Variants in MEF2A observed in about 807,000 individuals in gnomAD.
The protein encoded by MEF2A is myocyte-specific enhancer factor 2A.
A neutral mutation model predicts 55.8 loss-of-function variants in MEF2A; 28 were observed. The observed-to-expected ratio is 0.50, with a 90% CI of 0.37 to 0.69. MEF2A has a LOEUF of 0.69. Among genes scored for constraint, MEF2A ranks in the 30% least tolerant of loss-of-function variants. The probability of loss-of-function intolerance (pLI) is 0.00; values close to 1 mark genes in which losing one functional copy is unlikely to be tolerated. For missense variants in MEF2A, 528 were observed against 626.2 expected (o/e 0.84, Z 1.67); for synonymous variants, 239 against 227.1 (o/e 1.05, Z -0.47).
chr15:99,686,920 A>ATT (rs61006528), intron 7 of MEF2A, among the ~76,000 whole-genome samples: 56 of 148,072 alleles, frequency 3.8e-4, no homozygotes, highest in East Asian at 1.8e-3. Flanking sequence ...TTGTTTTTTG[A>ATT]TTTTTTTTTT....
chr15:99,647,345 CCTCAA>C (rs2153489563), intron 4 of MEF2A, among the ~76,000 whole-genome samples: 1 of 150,290 alleles, frequency 6.7e-6, no homozygotes, highest in African/African-American at 2.4e-5. Flanking sequence ...AGTTACACTG[CCTCAA>C]CTCAAACCAA....
At chr15:99,618,154 A>G (rs1195376587) in intron 2 of MEF2A, among the ~76,000 whole-genome samples, 1 of 152,180 alleles carries the variant, frequency 6.6e-6, no homozygotes, top group Admixed American at 6.5e-5. Flanking sequence ...AATATTACAT[A>G]TTACATTTTT....
intron 1 of MEF2A, among the ~76,000 whole-genome samples, chr15:99,591,692 T>C (rs1969343824): frequency 6.7e-6 from 1 of 149,316 alleles, no homozygotes; most frequent in African/African-American, 2.6e-5. Flanking sequence ...CATAATCTGT[T>C]TTTGTTTTGT....
At chr15:99,580,900 G>C (rs566883040) in intron 1 of MEF2A, among the ~76,000 whole-genome samples, 5 of 152,146 alleles carry the variant, frequency 3.3e-5, no homozygotes, top group African/African-American at 1.2e-4. Context: ...TTTGACAGTT[G>C]TTCCTTTCTT....
At chr15:99,648,887 GT>G (rs1241466153) in intron 4 of MEF2A, among the ~76,000 whole-genome samples, 2 of 152,158 alleles carry the variant, frequency 1.3e-5, no homozygotes, top group Non-Finnish European at 2.9e-5. Context: ...GATATAGTGT[GT>G]TTTGTGGGAG....
At chr15:99,664,766 A>G (rs1032260892) in intron 4 of MEF2A, among the ~76,000 whole-genome samples, 1 of 152,224 alleles carries the variant, frequency 6.6e-6, no homozygotes, top group Admixed American at 6.5e-5. Flanking sequence ...GTTAAGTTGA[A>G]ATAGAAATGT....
chr15:99,651,265 A>G (rs2046805353), intron 4 of MEF2A, among the ~76,000 whole-genome samples: 1 of 152,162 alleles, frequency 6.6e-6, no homozygotes, highest in Non-Finnish European at 1.5e-5. Flanking sequence ...ATGAACAAAA[A>G]AGAAAGTTAA....
intron 8 of MEF2A, among the ~76,000 whole-genome samples, chr15:99,690,982 A>G (rs1222832582): frequency 1.3e-5 from 2 of 152,214 alleles, no homozygotes; most frequent in East Asian, 1.9e-4. Context: ...ACAAATAGAA[A>G]GGATAAATAC....
intron 4 of MEF2A, among the ~76,000 whole-genome samples, chr15:99,665,613 A>G (rs891170113): frequency 6.6e-6 from 1 of 152,042 alleles, no homozygotes; most frequent in Non-Finnish European, 1.5e-5. Flanking sequence ...GCTTCTGCAC[A>G]GCAAAAGAAA....
chr15:99,716,380 AAATAT>A lies in MEF2A; in HGVS notation c.*3614_*3618del. 2 of 379,626 alleles carry A rather than the reference AAATAT, an allele frequency of 5.3e-6. No homozygotes were observed. Among genetic ancestry groups the A allele is most frequent in the Middle Eastern group, 3.7e-4 (1 of 2,720 alleles). 23.5% of individuals were successfully genotyped at this position (379,626 alleles called of 1,614,324 possible). A position where few individuals can be genotyped will look rare whatever the true frequency, so the allele number is the denominator to read the frequency against. On this transcript the variant is annotated 3_prime_UTR_variant, in exon 12 of 12. Coordinates refer to ENST00000557942, the MANE Select transcript of MEF2A (RefSeq NM_001319206.4). ...GTGTTGTTTTTCTTCATTATACAAT[AAATAT>A]AATAGTGAACTTTTTATCAAATGGT...
In MEF2A at chr15:99,712,321, C is replaced by G; in HGVS notation, c.1137-69C>G. The stretch of plus-strand genomic sequence containing the variant: ...GGCCCTTTTCCATCAGGCAGTGTCT[C>G]TACTGTATCATCCCAGTTTTGCAGA... On this transcript the variant is annotated intron_variant, in intron 11 of 11. Coordinates refer to ENST00000557942, the MANE Select transcript of MEF2A (RefSeq NM_001319206.4). This position sits in a 1 kb window ranked among gnomAD's most constrained non-coding sequence, Gnocchi z 4.1. 1 of 1,469,462 alleles carries G rather than the reference C, an allele frequency of 6.8e-7. No homozygotes were observed. The highest frequency in any genetic ancestry group is 9.0e-7 in the Non-Finnish European group (1 of 1,108,394). The allele number at this position is 1,469,462 out of a possible 1,614,324, so 91.0% of individuals were successfully genotyped here. A position where few individuals can be genotyped will look rare whatever the true frequency, so the allele number is the denominator to read the frequency against.
chr15:99,713,230 A>G lies in MEF2A; in HGVS notation c.*459A>G, dbSNP rs1206027284. On this transcript the variant is annotated 3_prime_UTR_variant, in exon 12 of 12. Transcript: ENST00000557942. Reference sequence around the variant, plus strand: ...CAGAGCAGTAGAAAAGCAGGAACCAAGAAAGCAATACTGTACATAAAATGT... The same window carrying G: ...CAGAGCAGTAGAAAAGCAGGAACCAGGAAAGCAATACTGTACATAAAATGT... The G allele has an allele frequency of 2.5e-6, 1 of 395,516 alleles. No individual in the cohort carries two copies. The highest frequency in any genetic ancestry group is 2.1e-5 in the African/African-American group (1 of 48,558). 24.5% of individuals were successfully genotyped at this position (395,516 alleles called of 1,614,324 possible).
At chr15:99,654,674 C>T (rs1463022170) in intron 4 of MEF2A, among the ~76,000 whole-genome samples, 1 of 152,048 alleles carries the variant, frequency 6.6e-6, no homozygotes, top group Non-Finnish European at 1.5e-5. Context: ...TCTGCCTTTG[C>T]CCATGCATCA....
chr15:99,675,523 T>A (rs1334317862), intron 7 of MEF2A, 65 bp downstream of exon 7: 1 of 1,385,682 alleles, frequency 7.2e-7, no homozygotes, highest in African/African-American at 1.4e-5. Context: ...AGGAATGTTG[T>A]TCCTGAAATA....
At chr15:99,581,540 C>G (rs1965932144) in intron 1 of MEF2A, among the ~76,000 whole-genome samples, 1 of 151,672 alleles carries the variant, frequency 6.6e-6, no homozygotes, top group African/African-American at 2.4e-5. Flanking sequence ...GTTTTTCTTT[C>G]AACTGGTGAA....
chr15:99,621,075 C>G (rs1371846310), intron 2 of MEF2A: 3 of 152,258 alleles, frequency 2.0e-5, no homozygotes, highest in African/African-American at 2.4e-5. Context: ...GAACTCTGGA[C>G]CTCAGGTAAT....
In MEF2A at chr15:99,667,445, A is replaced by G. The variant is rs567591081; in HGVS notation, c.259-3878A>G. ...TTCACCGTGTTAGCAGGATGGTCTC[A>G]ATCTCCTGACCTCGTGATCCGCCCG... On this transcript the variant is annotated intron_variant, in intron 4 of 11. Coordinates refer to ENST00000557942, the MANE Select transcript of MEF2A (RefSeq NM_001319206.4). Among the ~76,000 whole-genome samples, 27 of 152,104 alleles carry G rather than the reference A, an allele frequency of 1.8e-4. No homozygotes were observed. In the South Asian group the frequency reaches 3.5e-3, roughly 20 times the overall value.
At chr15:99,586,286 A>T (rs1223872694) in intron 1 of MEF2A, among the ~76,000 whole-genome samples, 2 of 152,208 alleles carry the variant, frequency 1.3e-5, no homozygotes, top group Non-Finnish European at 2.9e-5. Context: ...ATGATTTTAC[A>T]GTCCCATCAG....
At chr15:99,685,855 C>T (rs1472234101) in intron 7 of MEF2A, among the ~76,000 whole-genome samples, 1 of 152,126 alleles carries the variant, frequency 6.6e-6, no homozygotes, top group Non-Finnish European at 1.5e-5. Flanking sequence ...CTTTCTTACT[C>T]TGTCATTTGG....
Sources: gnomAD v4.1 joint callset for allele counts (sites outside exome capture counted in the v4.1 genomes callset) on GRCh38, gnomAD v4.1.1 for gene constraint, Gnocchi (gnomAD v3.1) non-coding constraint, MANE v1.5 for transcripts, NCBI Gene and HGNC (gene_info 2026-07-23, HGNC 2026-07-21) for gene names.